The following PCLO variants were observed in gnomAD, a reference collection of about 807,000 sequenced individuals.
The protein encoded by PCLO is protein piccolo.
PCLO carries 82 observed loss-of-function variants against 427.5 expected under a neutral mutation model. That is an observed-to-expected ratio of 0.19 (90% CI 0.16 to 0.23). The LOEUF (loss-of-function observed/expected upper bound fraction) is 0.23. PCLO is among the 10% of genes least tolerant of loss of function. PCLO has a pLI of 1.00. For synonymous variants in PCLO, 2,357 were observed against 2,155.4 expected (o/e 1.09, Z -2.59); for missense variants, 6,239 against 6,115.9 (o/e 1.02, Z -0.67).
chr7:82,848,362 G>A (rs1337046472), intron 10 of PCLO, among the ~76,000 whole-genome samples: 1 of 138,072 alleles, frequency 7.2e-6, no homozygotes, highest in African/African-American at 2.7e-5. Context: ...CCAGACTGGA[G>A]TGCAGTGGTG....
rs77319287 is a variant in PCLO, at chr7:82,810,026, T to A, written c.14792-4197A>T. 1.5e-4 allele frequency among the ~76,000 whole-genome samples: 23 copies of A among 151,762 alleles called. 1 individual carries two copies. In the South Asian group the frequency reaches 2.9e-3, roughly 19 times the overall value. On this transcript the variant is annotated intron_variant, in intron 20 of 24. Coordinates refer to ENST00000333891, the MANE Select transcript of PCLO (RefSeq NM_033026.6). ...ATGAAAGTGACAAAAGAAAATAATA[T>A]GTAGAGTAACATTCTGTGGGAGCCA...
intron 20 of PCLO, among the ~76,000 whole-genome samples, chr7:82,806,370 G>A (rs1791457803): frequency 6.6e-6 from 1 of 152,052 alleles, no homozygotes; most frequent in Non-Finnish European, 1.5e-5. Flanking sequence ...ACTATCTCCA[G>A]CAAGGTTTTA....
In PCLO at chr7:83,038,029, A is replaced by C. The variant is rs1156435205; in HGVS notation, c.3301-71542T>G. Among the ~76,000 whole-genome samples, 257 of 36,480 alleles carry C rather than the reference A, an allele frequency of 7.0e-3. 28 individuals are homozygous for C. The highest frequency in any genetic ancestry group is 0.045 in the African/African-American group (245 of 5,406). The allele number at this position is 36,480 out of a possible 152,430, so 23.9% of individuals were successfully genotyped here. On this transcript the variant is annotated intron_variant, in intron 3 of 24. Transcript: ENST00000333891. The stretch of plus-strand genomic sequence containing the variant: ...TATATATATATATATATATATATAT[A>C]TTTATATATTTATATATATATCTTT...
intron 22 of PCLO, among the ~76,000 whole-genome samples, chr7:82,778,542 A>C (rs1472446892): frequency 6.6e-6 from 1 of 152,172 alleles, no homozygotes; most frequent in Non-Finnish European, 1.5e-5. Flanking sequence ...AGTCTTTTAC[A>C]TTATGGTTTT....
chr7:82,883,258 C>A (rs1194231273), intron 9 of PCLO, among the ~76,000 whole-genome samples: 1 of 151,970 alleles, frequency 6.6e-6, no homozygotes, highest in South Asian at 2.1e-4. Flanking sequence ...ATAGAAAAGT[C>A]CCCAAAGGAT....
chr7:82,939,217 T>C (rs1355626989), intron 6 of PCLO, among the ~76,000 whole-genome samples: 1 of 152,114 alleles, frequency 6.6e-6, no homozygotes, highest in Non-Finnish European at 1.5e-5. Flanking sequence ...CTAATTATTT[T>C]ACATTTCTGG....
chr7:83,127,797 T>C (rs1791475396), intron 3 of PCLO, among the ~76,000 whole-genome samples: 2 of 152,002 alleles, frequency 1.3e-5, no homozygotes, highest in Admixed American at 1.3e-4. Flanking sequence ...ATATAGGATG[T>C]TCTGACCTAA....
At chr7:83,078,756 G>A (rs891465905) in intron 3 of PCLO, among the ~76,000 whole-genome samples, 14 of 152,026 alleles carry the variant, frequency 9.2e-5, no homozygotes, top group South Asian at 2.1e-4. Context: ...TGTCGGTCGC[G>A]AATTCCTGAG....
chr7:82,915,163 G>T lies in PCLO; in HGVS notation c.12823C>A (p.Leu4275Met). ...TATGGCTTATCCGCTTCATCCTGCA[G>T]AGCTGAGCGTATGGTATTTCCTAAT... Reference protein sequence around the residue: ...GTLGNTIRSALQDEADKPYSS... With the variant: ...GTLGNTIRSAMQDEADKPYSS... The change falls in exon 7 of 25, where the codon CTG becomes ATG. Residue 4275 changes from leucine to methionine, a missense_variant. Coordinates refer to ENST00000333891, the MANE Select transcript of PCLO (RefSeq NM_033026.6). 2 of 1,598,248 alleles carry T rather than the reference G, an allele frequency of 1.3e-6. No homozygotes were observed. Among genetic ancestry groups the T allele is most frequent in the Non-Finnish European group, 1.7e-6 (2 of 1,171,536 alleles).
rs551579736 is a variant in PCLO at position 82,889,879 on chromosome 7, T to C, written c.13529-10417A>G. Among the ~76,000 whole-genome samples the C allele has an allele frequency of 9.2e-5, 14 of 152,198 alleles. No individual in the cohort carries two copies. The South Asian group carries it at 2.9e-3, about 32-fold the overall frequency. On this transcript the variant is annotated intron_variant, in intron 9 of 24. Transcript: ENST00000333891. ...TTAAAGATATGTATCTGAACTATAT[T>C]ACAATGTACTTTCAACTTTTAGTGT... is the stretch of plus-strand genomic sequence containing the variant.
intron 3 of PCLO, among the ~76,000 whole-genome samples, chr7:83,098,565 G>C (rs1250486296): frequency 6.6e-6 from 1 of 152,014 alleles, no homozygotes; most frequent in African/African-American, 2.4e-5. Flanking sequence ...TATATATAAA[G>C]GGAATAAATG....
intron 22 of PCLO, among the ~76,000 whole-genome samples, chr7:82,795,056 T>C (rs1791197875): frequency 6.6e-6 from 1 of 152,136 alleles, no homozygotes; most frequent in Admixed American, 6.5e-5. Flanking sequence ...CAAATCTTAC[T>C]TGGATTTCCT....
intron 3 of PCLO, among the ~76,000 whole-genome samples, chr7:83,086,789 A>G (rs1222639741): frequency 6.6e-6 from 1 of 152,164 alleles, no homozygotes; most frequent in Non-Finnish European, 1.5e-5. Flanking sequence ...TGTTTATATT[A>G]GTAATAATTT....
intron 1 of PCLO, among the ~76,000 whole-genome samples, chr7:83,159,712 CAACA>C (rs1792385971): frequency 1.3e-5 from 2 of 151,968 alleles, no homozygotes; most frequent in African/African-American, 4.8e-5. Context: ...AAATGGAACA[CAACA>C]AACAATGACA....
intron 10 of PCLO, among the ~76,000 whole-genome samples, chr7:82,850,195 G>C (rs547303755): frequency 3.9e-5 from 6 of 152,082 alleles, no homozygotes; most frequent in Admixed American, 2.0e-4. Flanking sequence ...TTTTAGTAGA[G>C]ACAGGGTTTC....
chr7:82,822,487 T>G lies in PCLO; in HGVS notation c.14791+8A>C, dbSNP rs1004869705. On this transcript the variant is annotated splice_region_variant and intron_variant, in intron 20 of 24. Coordinates refer to ENST00000333891, the MANE Select transcript of PCLO (RefSeq NM_033026.6). ...TGCCATGCTGAGGAATTTATTTGCG[T>G]CTTTTACTTGGTTGAATGCGGAGTT... 3.1e-6 allele frequency: 5 copies of G among 1,613,748 alleles called. No homozygotes were observed. Among genetic ancestry groups the G allele is most frequent in the Non-Finnish European group, 4.2e-6 (5 of 1,179,840 alleles).
chr7:82,946,661 C>T (rs1014755893), intron 6 of PCLO, among the ~76,000 whole-genome samples: 3 of 151,774 alleles, frequency 2.0e-5, no homozygotes, highest in African/African-American at 4.8e-5. Flanking sequence ...GGCCTGTGGT[C>T]GGAGCAGAGT....
intron 22 of PCLO, among the ~76,000 whole-genome samples, chr7:82,800,717 T>C (rs925820936): frequency 4.1e-4 from 63 of 152,126 alleles, no homozygotes; most frequent in African/African-American, 1.4e-3. Flanking sequence ...TGCCTCAGCC[T>C]CCTGAGTAGC....
intron 22 of PCLO, among the ~76,000 whole-genome samples, chr7:82,783,828 CAA>C (rs1790927319): frequency 6.6e-6 from 1 of 151,932 alleles, no homozygotes; most frequent in Admixed American, 6.6e-5. Flanking sequence ...AATCCTTTCC[CAA>C]TTGCTTCTCT....
Sources: gnomAD v4.1 joint callset for allele counts (sites outside exome capture counted in the v4.1 genomes callset) on GRCh38, gnomAD v4.1.1 for gene constraint, MANE v1.5 for transcripts, NCBI Gene and HGNC (gene_info 2026-07-23, HGNC 2026-07-21) for gene names.